The following AFF3 variants were observed in gnomAD, a reference collection of about 807,000 sequenced individuals.
AFF3 encodes AF4/FMR2 family member 3.
A neutral mutation model predicts 129.7 loss-of-function variants in AFF3; 32 were observed. That is an observed-to-expected ratio of 0.25 (90% CI 0.19 to 0.33). The LOEUF (loss-of-function observed/expected upper bound fraction) is 0.33, where lower values mean the gene tolerates loss of function less well. Ranked by LOEUF, AFF3 falls within the 10% of genes least tolerant of loss-of-function variation. AFF3 has a pLI of 1.00. For missense variants in AFF3, 1,373 were observed against 1,592.0 expected, an observed-to-expected ratio of 0.86 and a Z score of 2.34; for synonymous variants, 644 against 635.4, an observed-to-expected ratio of 1.01 and a Z score of -0.20.
intron 4 of AFF3, among the ~76,000 whole-genome samples, chr2:100,043,786 A>T (rs1392251803): frequency 6.6e-6 from 1 of 152,226 alleles, no homozygotes; most frequent in Non-Finnish European, 1.5e-5. Flanking sequence ...TTGTGAAACT[A>T]GCATGACCTG....
At chr2:99,751,551 T>C (rs895833585) in intron 9 of AFF3, among the ~76,000 whole-genome samples, 5 of 152,222 alleles carry the variant, frequency 3.3e-5, no homozygotes, top group African/African-American at 1.2e-4. Context: ...AAACTCCTGA[T>C]AGTAATCTCT....
chr2:99,566,089 A>G (rs561679752), intron 19 of AFF3, among the ~76,000 whole-genome samples: 1 of 151,788 alleles, frequency 6.6e-6, no homozygotes, highest in East Asian at 1.9e-4. Context: ...TGTGGCACTT[A>G]TATCTCCATG....
At chr2:99,999,122 A>G (rs1421856890) in intron 7 of AFF3, among the ~76,000 whole-genome samples, 2 of 152,194 alleles carry the variant, frequency 1.3e-5, no homozygotes, top group South Asian at 4.1e-4. Context: ...AAGGAAAAAG[A>G]GGCAGAGAAC....
chr2:99,744,860 C>A (rs186679026), intron 9 of AFF3, among the ~76,000 whole-genome samples: 1 of 152,278 alleles, frequency 6.6e-6, no homozygotes, highest in Admixed American at 6.5e-5. Flanking sequence ...GGTATGTACA[C>A]TAGTTCGAGT....
Position 99,586,309 on chromosome 2 carries a change from C to G in AFF3, c.2591+845G>C, listed in dbSNP as rs77013095. Among the ~76,000 whole-genome samples, 1,243 of 152,302 alleles carry G rather than the reference C, an allele frequency of 8.2e-3. 23 individuals are homozygous for G. Among genetic ancestry groups the G allele is most frequent in the African/African-American group, 0.028 (1,165 of 41,562 alleles). On this transcript the variant is annotated intron_variant, in intron 16 of 24. Transcript: ENST00000672756. The stretch of plus-strand genomic sequence containing the variant: ...TCCTGCTCAGACCCACAGGAGCCCT[C>G]GCCTTTCAAGGTGATTCCGGCGCTG...
chr2:99,759,253 T>C (rs1383884925), intron 8 of AFF3, among the ~76,000 whole-genome samples: 1 of 152,246 alleles, frequency 6.6e-6, no homozygotes, highest in African/African-American at 2.4e-5. Flanking sequence ...CATTTATCTC[T>C]CTTTGAATGC....
chr2:99,644,663 G>A (rs1258881110), intron 13 of AFF3, among the ~76,000 whole-genome samples: 2 of 152,198 alleles, frequency 1.3e-5, no homozygotes, highest in African/African-American at 2.4e-5. Flanking sequence ...CTGCAGACGC[G>A]CAGTTGCTCA....
chr2:99,658,286 A>G (rs1685929514), intron 12 of AFF3, among the ~76,000 whole-genome samples: 1 of 152,118 alleles, frequency 6.6e-6, no homozygotes, highest in Admixed American at 6.6e-5. Context: ...GCCCTGAAGG[A>G]TGCCTGGAGG....
intron 7 of AFF3, among the ~76,000 whole-genome samples, chr2:99,912,447 G>GT (rs1321933450): frequency 6.6e-6 from 1 of 152,086 alleles, no homozygotes; most frequent in African/African-American, 2.4e-5. Context: ...TTACAACTAT[G>GT]CTGTATGTCC....
At chr2:99,812,241 C>A (rs987513022) in intron 8 of AFF3, among the ~76,000 whole-genome samples, 1 of 152,184 alleles carries the variant, frequency 6.6e-6, no homozygotes, top group African/African-American at 2.4e-5. Flanking sequence ...CCTTTCCTTT[C>A]CAGAAGCGGT....
Position 100,007,362 on chromosome 2 carries a change from A to C in AFF3, c.273T>G (p.His91Gln), listed in dbSNP as rs556030826. 1.4e-5 allele frequency: 23 copies of C among 1,614,156 alleles called. No homozygotes were observed. The South Asian group carries it at 2.2e-4, about 15-fold the overall frequency. Residue 91 changes from histidine to glutamine, a missense_variant, in exon 6 of 25, where the codon CAT becomes CAG. Physicochemically the swap from His to Gln is conservative, Grantham distance 24. Transcript: ENST00000672756. ...CCCCAGGTTTGGGAACTCCAACGAG[A>C]TGACTCTGATTGGATCTATCAGTTA... The part of the protein sequence containing the change: ...DFLTDRSNQS[H>Q]LVGVPKPGVP...
At chr2:100,078,245 T>C (rs953413204) in intron 4 of AFF3, among the ~76,000 whole-genome samples, 3 of 152,246 alleles carry the variant, frequency 2.0e-5, no homozygotes, top group East Asian at 1.9e-4. Flanking sequence ...ACCTGGTGAA[T>C]TCAGCTTCTG....
chr2:99,860,442 T>C (rs1690892737), intron 7 of AFF3, among the ~76,000 whole-genome samples: 1 of 151,994 alleles, frequency 6.6e-6, no homozygotes, highest in Non-Finnish European at 1.5e-5. Context: ...TAGCCCCAGC[T>C]ACTTAGGAGG....
At chr2:99,747,087 G>A (rs1347635358) in intron 9 of AFF3, among the ~76,000 whole-genome samples, 5 of 152,218 alleles carry the variant, frequency 3.3e-5, no homozygotes, top group East Asian at 1.9e-4. Context: ...GGAGTGCAAC[G>A]GCACGATCTC....
chr2:99,826,536 A>G (rs999834316), intron 8 of AFF3, among the ~76,000 whole-genome samples: 1 of 152,152 alleles, frequency 6.6e-6, no homozygotes, highest in African/African-American at 2.4e-5. Flanking sequence ...GAGGCTTGGA[A>G]GATATGCAGG....
chr2:99,801,568 G>A (rs974143558), intron 8 of AFF3, among the ~76,000 whole-genome samples: 14 of 152,144 alleles, frequency 9.2e-5, no homozygotes, highest in African/African-American at 3.1e-4. Flanking sequence ...ACTCTGAAGG[G>A]AGTCTCAAGT....
chr2:100,101,214 A>G, intron 4 of AFF3, among the ~76,000 whole-genome samples: 1 of 152,204 alleles, frequency 6.6e-6, no homozygotes, highest in Non-Finnish European at 1.5e-5. Flanking sequence ...TGAATTATCA[A>G]TTGATTGTGT....
intron 18 of AFF3, among the ~76,000 whole-genome samples, chr2:99,575,517 C>A (rs1676909064): frequency 6.6e-6 from 1 of 151,410 alleles, no homozygotes; most frequent in Non-Finnish European, 1.5e-5. Context: ...CACCTCGGCT[C>A]CCCCAAGTGC....
At chr2:99,688,772 C>T (rs1021608899) in intron 11 of AFF3, among the ~76,000 whole-genome samples, 1 of 152,204 alleles carries the variant, frequency 6.6e-6, no homozygotes. Context: ...CCCCCTCAGG[C>T]CACTGCGCCT....
Sources: allele counts gnomAD v4.1 joint callset (sites outside exome capture counted in the v4.1 genomes callset), GRCh38; gene constraint gnomAD v4.1.1; transcripts MANE v1.5; gene names NCBI Gene and HGNC (gene_info 2026-07-23, HGNC 2026-07-21).